ROBO2: variants seen among roughly 807,000 people sequenced by gnomAD.
ROBO2 encodes roundabout guidance receptor 2, also known as roundabout homolog 2.
ROBO2 carries 53 observed loss-of-function variants against 160.8 expected under a neutral mutation model. The observed-to-expected ratio is 0.33, with a 90% CI of 0.26 to 0.41. ROBO2 has a LOEUF of 0.41. Among genes scored for constraint, ROBO2 ranks in the 10% least tolerant of loss-of-function variants. ROBO2 has a pLI of 1.00. For missense variants in ROBO2, 1,577 were observed against 1,722.4 expected, an observed-to-expected ratio of 0.92 and a Z score of 1.49; for synonymous variants, 664 against 611.7, an observed-to-expected ratio of 1.09 and a Z score of -1.26.
intron 2 of ROBO2, among the ~76,000 whole-genome samples, chr3:76,654,858 C>T (rs201968979): frequency 0.38 from 48,420 of 129,020 alleles, 8,568 homozygotes; most frequent in South Asian, 0.48. Context: ...TATATATACA[C>T]ACACGTACAT....
chr3:76,690,375 C>T (rs1467238169), intron 2 of ROBO2, among the ~76,000 whole-genome samples: 1 of 151,970 alleles, frequency 6.6e-6, no homozygotes. Context: ...GCAGAGCCCT[C>T]ATGGTTGGGA....
intron 2 of ROBO2, among the ~76,000 whole-genome samples, chr3:76,763,036 TTAG>T (rs1697458404): frequency 6.6e-6 from 1 of 151,826 alleles, no homozygotes; most frequent in Middle Eastern, 3.4e-3. Context: ...AATTCAAAAG[TTAG>T]TAGGCATTTC....
chr3:77,274,935 T>C (rs1299116933), intron 2 of ROBO2, among the ~76,000 whole-genome samples: 1 of 152,122 alleles, frequency 6.6e-6, no homozygotes, highest in Non-Finnish European at 1.5e-5. Flanking sequence ...TTCATCACAA[T>C]TTTGTGCTAC....
intron 2 of ROBO2, among the ~76,000 whole-genome samples, chr3:76,461,323 C>T (rs1188082579): frequency 6.6e-6 from 1 of 152,176 alleles, no homozygotes. Flanking sequence ...GTGATCCAAA[C>T]ATCTCCCACC....
chr3:76,717,049 G>A (rs1006392536), intron 2 of ROBO2, among the ~76,000 whole-genome samples: 1 of 152,190 alleles, frequency 6.6e-6, no homozygotes, highest in Non-Finnish European at 1.5e-5. Context: ...CCGTGTTGAT[G>A]TGAAGGTGAT....
intron 2 of ROBO2, among the ~76,000 whole-genome samples, chr3:77,432,040 C>G (rs1030864883): frequency 6.6e-6 from 1 of 152,112 alleles, no homozygotes; most frequent in Admixed American, 6.6e-5. Flanking sequence ...CCAGGCTGAG[C>G]AATTTTCTCT....
At position 77,646,050 on chromosome 3, in the gene ROBO2, T is replaced by C. The variant is rs2095410317; in HGVS notation, c.4136-4T>C. Reference sequence around the variant, plus strand: ...TTTATTTCTACTTTTTTCTCTTTCTTTAGAGTAAATGAGAGGAGACATACA... The same window carrying C: ...TTTATTTCTACTTTTTTCTCTTTCTCTAGAGTAAATGAGAGGAGACATACA... On this transcript the variant is annotated splice_polypyrimidine_tract_variant and splice_region_variant and intron_variant, in intron 25 of 25. Coordinates refer to ENST00000461745, the Ensembl canonical transcript of ROBO2. The C allele has an allele frequency of 6.3e-7, 1 of 1,591,272 alleles. No homozygotes were observed. Among genetic ancestry groups the C allele is most frequent in the African/African-American group, 1.3e-5 (1 of 74,414 alleles).
chr3:76,684,072 A>C (rs2092632236), intron 2 of ROBO2, among the ~76,000 whole-genome samples: 1 of 152,090 alleles, frequency 6.6e-6, no homozygotes. Flanking sequence ...AATGTATATT[A>C]GGACATCATT....
chr3:76,689,105 A>G (rs565500239), intron 2 of ROBO2, among the ~76,000 whole-genome samples: 4 of 152,226 alleles, frequency 2.6e-5, no homozygotes, highest in South Asian at 4.1e-4. Context: ...ATTGATTGCA[A>G]TTGCTGTCTC....
chr3:77,285,039 G>A (rs1016802413), intron 2 of ROBO2, among the ~76,000 whole-genome samples: 5 of 152,124 alleles, frequency 3.3e-5, no homozygotes, highest in African/African-American at 7.2e-5. Context: ...GCCAGAAGCC[G>A]AAGGCCACAG....
At chr3:76,869,566 G>A (rs1308481749) in intron 2 of ROBO2, among the ~76,000 whole-genome samples, 1 of 151,764 alleles carries the variant, frequency 6.6e-6, no homozygotes, top group Non-Finnish European at 1.5e-5. Context: ...GGCCAGGATG[G>A]TCTCGATCTC....
chr3:77,378,132 T>G (rs1227736719), intron 2 of ROBO2, among the ~76,000 whole-genome samples: 1 of 152,206 alleles, frequency 6.6e-6, no homozygotes, highest in Admixed American at 6.5e-5. Context: ...AAAGGTAGTA[T>G]AGATAAGACT....
intron 5 of ROBO2, 43 bp from the exon 6 acceptor site, chr3:77,522,732 A>G (rs778723346): frequency 1.3e-6 from 2 of 1,584,514 alleles, no homozygotes; most frequent in Non-Finnish European, 1.7e-6. Flanking sequence ...TATTATCCGT[A>G]TAGCTACTAC....
intron 2 of ROBO2, among the ~76,000 whole-genome samples, chr3:75,985,894 T>G (rs570060250): frequency 6.6e-6 from 1 of 151,824 alleles, no homozygotes; most frequent in South Asian, 2.1e-4. Flanking sequence ...TTTTTAAGGC[T>G]GAATAATATT....
At chr3:76,195,416 C>G (rs898558009) in intron 2 of ROBO2, among the ~76,000 whole-genome samples, 92 of 152,196 alleles carry the variant, frequency 6.0e-4, no homozygotes, top group African/African-American at 2.0e-3. Flanking sequence ...ACATTAGGAT[C>G]AAATATAAAG....
chr3:77,305,811 C>T (rs1032942762), intron 2 of ROBO2, among the ~76,000 whole-genome samples: 11 of 152,214 alleles, frequency 7.2e-5, no homozygotes, highest in East Asian at 1.9e-4. Context: ...TAAATTTATT[C>T]GACGTTCTCC....
chr3:76,708,941 G>T (rs1034170585), intron 2 of ROBO2, among the ~76,000 whole-genome samples: 6 of 152,146 alleles, frequency 3.9e-5, no homozygotes, highest in African/African-American at 1.4e-4. Context: ...AGAATCACTG[G>T]GACAGTGGGA....
Position 76,036,158 on chromosome 3 carries a change from C to CT in ROBO2, c.109+98565dup, listed in dbSNP as rs547587382. On this transcript the variant is annotated intron_variant, in intron 2 of 26. Coordinates refer to the ROBO2 transcript ENST00000487694. Reference sequence around the variant, plus strand: ...TGGAGGTTAGAAAGAAATTGGCTCACTTTTTTTTTGAGACCTGGTCTCACT... The same window carrying CT: ...TGGAGGTTAGAAAGAAATTGGCTCACTTTTTTTTTTGAGACCTGGTCTCACT... Among the ~76,000 whole-genome samples the CT allele has an allele frequency of 4.2e-3, 638 of 151,218 alleles. 21 individuals are homozygous for CT. Among genetic ancestry groups the CT allele is most frequent in the Admixed American group, 0.034 (524 of 15,196 alleles).
intron 6 of ROBO2, among the ~76,000 whole-genome samples, chr3:77,539,337 G>C (rs757291021): frequency 3.3e-5 from 5 of 152,094 alleles, no homozygotes; most frequent in East Asian, 3.9e-4. Context: ...CATTTTCAAC[G>C]TTGTGTAGCA....
Sources: allele counts gnomAD v4.1 joint callset (sites outside exome capture counted in the v4.1 genomes callset), GRCh38; gene constraint gnomAD v4.1.1; transcripts MANE v1.5; gene names NCBI Gene and HGNC (gene_info 2026-07-23, HGNC 2026-07-21).